The following CLTCL1 variants were observed in gnomAD, a reference collection of about 807,000 sequenced individuals.
CLTCL1 encodes clathrin heavy chain like 1, also known as clathrin heavy chain 2.
A neutral mutation model predicts 190.0 loss-of-function variants in CLTCL1; 159 were observed. That is an observed-to-expected ratio of 0.84 (90% CI 0.74 to 0.95). The LOEUF is 0.95. Ranked by LOEUF, CLTCL1 falls within the 40% of genes least tolerant of loss-of-function variation. CLTCL1 has a pLI of 0.00. For synonymous variants in CLTCL1, 752 were observed against 769.6 expected, an observed-to-expected ratio of 0.98 and a Z score of 0.38; for missense variants, 1,878 against 2,033.4, an observed-to-expected ratio of 0.92 and a Z score of 1.47.
At chr22:19,287,954 T>G (rs1251367064) in intron 1 of CLTCL1, among the ~76,000 whole-genome samples, 2 of 152,172 alleles carry the variant, frequency 1.3e-5, no homozygotes, top group Non-Finnish European at 2.9e-5. Context: ...TTTTTCACAC[T>G]GTTACCTATA....
chr22:19,239,380 G>A lies in CLTCL1; in HGVS notation c.690C>T (p.Ile230=). The change falls in exon 5 of 33, where the codon ATC becomes ATT. Residue 230 remains isoleucine (I), a synonymous_variant. Coordinates refer to ENST00000427926, the MANE Select transcript of CLTCL1 (RefSeq NM_007098.4). ...VRNPTGGKLH[I]IEVGQPAAGN... ...CCGCTGCAGGCTGTCCAACTTCAAT[G>A]ATGTGCAACTAGAAGAGAGATTTTA... 1 of 1,613,366 alleles carries A rather than the reference G, an allele frequency of 6.2e-7. No individual in the cohort carries two copies. Among genetic ancestry groups the A allele is most frequent in the Non-Finnish European group, 8.5e-7 (1 of 1,179,266 alleles).
At chr22:19,256,586 G>T (rs1555972674) in intron 2 of CLTCL1, among the ~76,000 whole-genome samples, 1 of 151,708 alleles carries the variant, frequency 6.6e-6, no homozygotes, top group Non-Finnish European at 1.5e-5. Flanking sequence ...TCAAACTCTT[G>T]ACCTCAAGTG....
intron 1 of CLTCL1, among the ~76,000 whole-genome samples, chr22:19,284,380 G>T (rs940431202): frequency 5.5e-4 from 83 of 152,190 alleles, no homozygotes; most frequent in Non-Finnish European, 1.1e-3. Context: ...TACTTTGAGG[G>T]CCTGGCGTGG....
At chr22:19,263,016 G>A (rs1338851516) in intron 2 of CLTCL1, among the ~76,000 whole-genome samples, 24 of 146,508 alleles carry the variant, frequency 1.6e-4, no homozygotes, top group African/African-American at 5.8e-4. Flanking sequence ...GGGTGACAGA[G>A]AGAGACTCCA....
chr22:19,217,242 G>A (rs1284800233), intron 18 of CLTCL1, among the ~76,000 whole-genome samples: 1 of 152,174 alleles, frequency 6.6e-6, no homozygotes, highest in Non-Finnish European at 1.5e-5. Context: ...ATGCCTGAGG[G>A]AAAGGGGCAC....
chr22:19,275,828 G>A lies in CLTCL1; in HGVS notation c.45C>T (p.Leu15=). 1 of 1,586,388 alleles carries A rather than the reference G, an allele frequency of 6.3e-7. No homozygotes were observed. Among genetic ancestry groups the A allele is most frequent in the Non-Finnish European group, 8.6e-7 (1 of 1,165,858 alleles). Residue 15 remains leucine (L), a splice_region_variant and synonymous_variant, in exon 2 of 33, where the codon CTC becomes CTT. Coordinates refer to ENST00000427926, the MANE Select transcript of CLTCL1 (RefSeq NM_007098.4). ...LPVRFQEHFQ[L]QNLGINPANI... is the part of the protein sequence containing the mutation. ...TAGCTGGATTAATTCCAAGGTTTTG[G>A]AGCTAAACAGAAAAAAAGCATTTGA...
chr22:19,248,138 A>C (rs868911049), intron 3 of CLTCL1, among the ~76,000 whole-genome samples: 2 of 151,972 alleles, frequency 1.3e-5, no homozygotes, highest in African/African-American at 4.8e-5. Flanking sequence ...CACTACTAAA[A>C]ATACAAAATT....
At chr22:19,219,785 C>T (rs542376244) in intron 18 of CLTCL1, 100 bp downstream of exon 18, 272 of 1,559,008 alleles carry the variant, frequency 1.7e-4, no homozygotes, top group Non-Finnish European at 2.3e-4. Context: ...TGCCCTCAGC[C>T]AAGATGTTTT....
intron 1 of CLTCL1, among the ~76,000 whole-genome samples, chr22:19,278,796 C>T (rs570335039): frequency 6.6e-6 from 1 of 152,330 alleles, no homozygotes; most frequent in Non-Finnish European, 1.5e-5. Context: ...GGCTGGAGTG[C>T]AGTGGCGTGA....
At chr22:19,218,109 T>C (rs2085449316) in intron 18 of CLTCL1, among the ~76,000 whole-genome samples, 1 of 152,066 alleles carries the variant, frequency 6.6e-6, no homozygotes, top group African/African-American at 2.4e-5. Flanking sequence ...CACCAGGAGG[T>C]GGCTACAGAT....
intron 15 of CLTCL1, 47 bp downstream of exon 15, chr22:19,222,637 C>A: frequency 6.4e-7 from 1 of 1,567,858 alleles, no homozygotes; most frequent in Non-Finnish European, 8.7e-7. Flanking sequence ...CTGCCACTGA[C>A]TGGGGCCCAG....
chr22:19,284,503 T>C (rs1303907076), intron 1 of CLTCL1, among the ~76,000 whole-genome samples: 3 of 148,058 alleles, frequency 2.0e-5, no homozygotes, highest in Non-Finnish European at 3.0e-5. Flanking sequence ...TCTATAAAAA[T>C]ACAAAAATCA....
chr22:19,239,589 C>G (rs564824052), intron 4 of CLTCL1, among the ~76,000 whole-genome samples: 1 of 152,362 alleles, frequency 6.6e-6, no homozygotes, highest in Admixed American at 6.5e-5. Flanking sequence ...CCAAGCATGG[C>G]ACAAAGGGCC....
intron 27 of CLTCL1, among the ~76,000 whole-genome samples, chr22:19,189,192 C>T (rs536221712): frequency 7.9e-5 from 12 of 152,314 alleles, no homozygotes; most frequent in East Asian, 1.9e-4. Context: ...CGTGAGCCAC[C>T]GCGCTCGGCT....
intron 17 of CLTCL1, among the ~76,000 whole-genome samples, chr22:19,220,720 G>C (rs1274681594): frequency 1.3e-5 from 2 of 152,212 alleles, no homozygotes; most frequent in East Asian, 3.9e-4. Context: ...CACAGGAAAA[G>C]CCCAAGCAGG....
At position 19,181,219 on chromosome 22, in the gene CLTCL1, C is replaced by T. The variant is rs532718475; in HGVS notation, c.4828-413G>A. The T allele has an allele frequency of 4.1e-4, 73 of 178,430 alleles. 1 individual carries two copies. The South Asian group carries it at 9.6e-3, about 24-fold the overall frequency. 11.1% of individuals were successfully genotyped at this position (178,430 alleles called of 1,614,324 possible). ...CTGGCTCTGGCCAGTCTAGTTTGCC[C>T]GCCCCTCCAAACCAGCAGAGAGATC... is the stretch of plus-strand genomic sequence containing the variant. On this transcript the variant is annotated intron_variant, in intron 30 of 32. Transcript: ENST00000427926.
intron 1 of CLTCL1, among the ~76,000 whole-genome samples, chr22:19,291,094 C>T (rs191340224): frequency 6.6e-6 from 1 of 152,334 alleles, no homozygotes; most frequent in East Asian, 1.9e-4. Flanking sequence ...GGGGGTGTTA[C>T]TGCATTGAAA....
At chr22:19,252,652 G>C (rs115049933) in intron 3 of CLTCL1, among the ~76,000 whole-genome samples, 2 of 152,242 alleles carry the variant, frequency 1.3e-5, no homozygotes, top group African/African-American at 2.4e-5. Flanking sequence ...ATTGAATGAC[G>C]AAGATCTATG....
At chr22:19,251,990 C>T (rs2086605989) in intron 3 of CLTCL1, among the ~76,000 whole-genome samples, 1 of 152,180 alleles carries the variant, frequency 6.6e-6, no homozygotes, top group Non-Finnish European at 1.5e-5. Context: ...ATCTGCAATG[C>T]CACTGCCTTC....
Sources: allele counts gnomAD v4.1 joint callset (sites outside exome capture counted in the v4.1 genomes callset), GRCh38; gene constraint gnomAD v4.1.1; transcripts MANE v1.5; gene names NCBI Gene and HGNC (gene_info 2026-07-23, HGNC 2026-07-21).